Variants in ZNF410 observed in about 807,000 individuals in gnomAD.
ZNF410 encodes the protein zinc finger protein 410.
In ZNF410, 18 loss-of-function variants were observed where a neutral mutation model predicts 54.8. The observed-to-expected ratio is 0.33, with a 90% confidence interval of 0.23 to 0.49. ZNF410 has a LOEUF of 0.49. Ranked by LOEUF, ZNF410 falls within the 20% of genes least tolerant of loss-of-function variation. The probability of loss-of-function intolerance (pLI) is 0.99; values close to 1 mark genes in which losing one functional copy is unlikely to be tolerated. For synonymous variants in ZNF410, 191 were observed against 207.3 expected (o/e 0.92, Z 0.68); for missense variants, 405 against 569.6 (o/e 0.71, Z 2.94).
chr14:73,917,131 T>C (rs554707841), intron 8 of ZNF410, among the ~76,000 whole-genome samples: 183 of 152,370 alleles, frequency 1.2e-3, no homozygotes, highest in African/African-American at 4.1e-3. Context: ...GATTTTTTTG[T>C]ACTTTATTTT....
At chr14:73,925,772 C>G (rs1401042403) in intron 11 of ZNF410, among the ~76,000 whole-genome samples, 1 of 152,164 alleles carries the variant, frequency 6.6e-6, no homozygotes, top group Non-Finnish European at 1.5e-5. Context: ...TGGCCCATGC[C>G]TATAATCCCA....
rs57309686 is a variant in ZNF410, at chr14:73,930,971, T to G, written c.1399-532T>G. Among the ~76,000 whole-genome samples, 1,289 of 152,298 alleles carry G rather than the reference T, an allele frequency of 8.5e-3. 10 individuals carry two copies. The highest frequency in any genetic ancestry group is 0.03 in the African/African-American group (1,231 of 41,542). ...AAACTCCTTTGAATAGAGCCTTGTG[T>G]ATAGAGTAGAATGTTAGTGGTAGTT... On this transcript the variant is annotated intron_variant, in intron 11 of 11. Transcript: ENST00000555044.
At chr14:73,898,963 G>A (rs2055364716) in intron 5 of ZNF410, among the ~76,000 whole-genome samples, 1 of 152,160 alleles carries the variant, frequency 6.6e-6, no homozygotes, top group South Asian at 2.1e-4. Flanking sequence ...GAGAACCACG[G>A]CTCTATTCAG....
At chr14:73,915,044 C>G (rs2055642962) in intron 8 of ZNF410, among the ~76,000 whole-genome samples, 1 of 151,260 alleles carries the variant, frequency 6.6e-6, no homozygotes, top group South Asian at 2.1e-4. Context: ...AGGCAGATCA[C>G]CTGAGGCCAG....
At chr14:73,906,996 TTAATA>T (rs1327916138) in intron 7 of ZNF410, among the ~76,000 whole-genome samples, 3 of 152,138 alleles carry the variant, frequency 2.0e-5, no homozygotes, top group Non-Finnish European at 4.4e-5. Context: ...TCAATAATAA[TTAATA>T]TAATAATAAA....
rs1023082877 is a variant in ZNF410, at chr14:73,922,344, C to A, written c.1270+138C>A. The A allele has an allele frequency of 5.5e-6, 5 of 901,006 alleles. No homozygotes were observed. The African/African-American group carries it at 6.7e-5, about 12-fold the overall frequency. 55.8% of individuals were successfully genotyped at this position (901,006 alleles called of 1,614,324 possible). On this transcript the variant is annotated intron_variant, in intron 10 of 11. Transcript: ENST00000555044. ...TATGAGTAGCATTTGTGTTCTTATTCTCTGGGGTGGATTAGTCAATCTGTT... is the reference window on the plus strand; with the variant it reads ...TATGAGTAGCATTTGTGTTCTTATTATCTGGGGTGGATTAGTCAATCTGTT...
chr14:73,911,654 G>A lies in ZNF410; in HGVS notation c.1003+2224G>A, dbSNP rs527305329. ...AGAAATTTTTTTTTATATAGCAACA[G>A]TGGTGTTATACCTGTCAAAATTAAT... On this transcript the variant is annotated intron_variant, in intron 8 of 11. Transcript: ENST00000555044. 1.4e-4 allele frequency among the ~76,000 whole-genome samples: 21 copies of A among 152,288 alleles called. No homozygotes were observed. The East Asian group carries it at 4.0e-3, about 29-fold the overall frequency.
rs762237636 is a variant in ZNF410, at chr14:73,932,040, C to G, written c.*499C>G. The G allele has an allele frequency of 9.2e-5, 42 of 456,248 alleles. No homozygotes were observed. The Admixed American group carries it at 9.9e-4, about 11-fold the overall frequency. The allele number at this position is 456,248 out of a possible 1,614,324, so 28.3% of individuals were successfully genotyped here. ...CTTGTTACATTCTCCCTTTAGCAAC[C>G]TGAGTAAGAGACTCTCTGCCACTGG... On this transcript the variant is annotated 3_prime_UTR_variant, in exon 12 of 12. Transcript: ENST00000555044.
At chr14:73,926,502 C>T (rs551927851) in intron 11 of ZNF410, among the ~76,000 whole-genome samples, 112 of 152,094 alleles carry the variant, frequency 7.4e-4, no homozygotes, top group African/African-American at 2.6e-3. Context: ...GGCGTGATCT[C>T]GGCTCACTGC....
In ZNF410 at chr14:73,932,355, A is replaced by G. The variant is rs899921786; in HGVS notation, c.*814A>G. The G allele has an allele frequency of 7.6e-6, 3 of 393,584 alleles. No homozygotes were observed. The highest frequency in any genetic ancestry group is 1.5e-5 in the Non-Finnish European group (3 of 203,268). 24.4% of individuals were successfully genotyped at this position (393,584 alleles called of 1,614,324 possible). A position where few individuals can be genotyped will look rare whatever the true frequency, so the allele number is the denominator to read the frequency against. On this transcript the variant is annotated 3_prime_UTR_variant, in exon 12 of 12. Transcript: ENST00000555044. Reference sequence around the variant, plus strand: ...TTAATCTTTCCCTTTAAAATAGTGTATTGATTTACCCTTAGGATTCCATAC... The same window carrying G: ...TTAATCTTTCCCTTTAAAATAGTGTGTTGATTTACCCTTAGGATTCCATAC...
At chr14:73,889,409 G>A (rs11623234) in intron 1 of ZNF410, among the ~76,000 whole-genome samples, 49,079 of 143,036 alleles carry the variant, frequency 0.34, 9,398 homozygotes, top group Non-Finnish European at 0.42. Context: ...TCCAGCCTGC[G>A]TGACAGAGCG....
At chr14:73,893,663 ATTATG>A (rs1465959087) in intron 2 of ZNF410, 129 bp from the exon 3 acceptor site, 8 of 970,414 alleles carry the variant, frequency 8.2e-6, no homozygotes, top group Non-Finnish European at 1.0e-5. Context: ...AACTTTAGAT[ATTATG>A]TTGTTTAGTT....
intron 3 of ZNF410, chr14:73,894,453 ACT>A (rs1382950924): frequency 2.9e-6 from 2 of 685,578 alleles, no homozygotes; most frequent in Middle Eastern, 2.7e-4. Flanking sequence ...ATGGAGTGTC[ACT>A]CTGTCGCCCA....
intron 8 of ZNF410, among the ~76,000 whole-genome samples, chr14:73,917,986 C>T (rs2055693666): frequency 6.6e-6 from 1 of 152,228 alleles, no homozygotes; most frequent in Non-Finnish European, 1.5e-5. Context: ...ATAACCTACA[C>T]ATATCCTCCC....
chr14:73,898,784 GT>G (rs2055362064), intron 5 of ZNF410, among the ~76,000 whole-genome samples: 1 of 152,136 alleles, frequency 6.6e-6, no homozygotes, highest in African/African-American at 2.4e-5. Flanking sequence ...TTTCTTTTCA[GT>G]TCAGCATGCC....
intron 8 of ZNF410, among the ~76,000 whole-genome samples, chr14:73,910,274 G>T (rs1214719326): frequency 6.6e-6 from 1 of 152,206 alleles, no homozygotes; most frequent in African/African-American, 2.4e-5. Flanking sequence ...AACAGGAAGA[G>T]ATGAGAAGAC....
chr14:73,914,969 T>A (rs1328324350), intron 8 of ZNF410: 1 of 151,276 alleles, frequency 6.6e-6, no homozygotes, highest in Non-Finnish European at 1.5e-5. Flanking sequence ...CAATGTTGAA[T>A]AGAAGTGGTG....
At chr14:73,927,422 A>G (rs771720357) in intron 11 of ZNF410, among the ~76,000 whole-genome samples, 171 of 152,132 alleles carry the variant, frequency 1.1e-3, no homozygotes, top group Admixed American at 4.5e-3. Context: ...CTCATCAACC[A>G]TAGGGTTGCC....
intron 9 of ZNF410, 27 bp downstream of exon 9, chr14:73,921,132 C>T: frequency 6.2e-7 from 1 of 1,612,020 alleles, no homozygotes; most frequent in Non-Finnish European, 8.5e-7. Context: ...TAGTGGAACG[C>T]TGTACTACTT....
Sources: gnomAD v4.1 joint callset for allele counts (sites outside exome capture counted in the v4.1 genomes callset) on GRCh38, gnomAD v4.1.1 for gene constraint, MANE v1.5 for transcripts, NCBI Gene and HGNC (gene_info 2026-07-23, HGNC 2026-07-21) for gene names.